Variants in PCDH15 observed in about 807,000 individuals in gnomAD.
The protein encoded by PCDH15 is protocadherin-15.
A neutral mutation model predicts 178.5 loss-of-function variants in PCDH15; 129 were observed. That is an observed-to-expected ratio of 0.72 (90% CI 0.63 to 0.84). PCDH15 has a LOEUF of 0.84. Ranked by LOEUF, PCDH15 falls within the 40% of genes least tolerant of loss-of-function variation. The pLI, the probability that PCDH15 is intolerant of heterozygous loss-of-function variation, is 0.00. For synonymous variants in PCDH15, 800 were observed against 732.0 expected (o/e 1.09, Z -1.50); for missense variants, 2,230 against 2,099.9 (o/e 1.06, Z -1.21).
intron 30 of PCDH15, among the ~76,000 whole-genome samples, chr10:53,830,762 T>A (rs902237588): frequency 6.6e-6 from 1 of 152,166 alleles, no homozygotes; most frequent in Non-Finnish European, 1.5e-5. Flanking sequence ...TGTCAAATAG[T>A]ACACTAAAAA....
intron 3 of PCDH15, among the ~76,000 whole-genome samples, chr10:54,464,776 G>A (rs994695257): frequency 6.6e-6 from 1 of 152,096 alleles, no homozygotes; most frequent in East Asian, 1.9e-4. Flanking sequence ...TATCTAGCTA[G>A]CTAGCTATTT....
chr10:53,810,429 T>A, intron 37 of PCDH15, 127 bp downstream of exon 37: 1 of 775,438 alleles, frequency 1.3e-6, no homozygotes, highest in Non-Finnish European at 2.2e-6. Flanking sequence ...GTGAAATTTC[T>A]ATGGGAAATA....
intron 15 of PCDH15, among the ~76,000 whole-genome samples, chr10:54,104,698 G>T (rs553401218): frequency 1.3e-5 from 2 of 151,810 alleles, no homozygotes; most frequent in Non-Finnish European, 2.9e-5. Flanking sequence ...TTAGCTGGGC[G>T]TGGTGGCGGG....
At chr10:53,915,849 G>A (rs2083484534) in intron 25 of PCDH15, among the ~76,000 whole-genome samples, 3 of 152,098 alleles carry the variant, frequency 2.0e-5, no homozygotes. Flanking sequence ...GAGCCACTGT[G>A]CCCGGCCCGT....
At chr10:55,117,622 TC>T (rs1564811813) in intron 2 of PCDH15, among the ~76,000 whole-genome samples, 1 of 152,086 alleles carries the variant, frequency 6.6e-6, no homozygotes, top group East Asian at 1.9e-4. Flanking sequence ...CTATTTAGAC[TC>T]AATATTCAGT....
At chr10:55,604,927 A>G (rs1180591769) in intron 2 of PCDH15, among the ~76,000 whole-genome samples, 1 of 151,510 alleles carries the variant, frequency 6.6e-6, no homozygotes, top group Non-Finnish European at 1.5e-5. Flanking sequence ...GAGACACAAA[A>G]AACCCTTCAA....
In PCDH15 at chr10:55,246,643, G is replaced by A. The variant is rs190345746; in HGVS notation, c.-156+72956C>T. ...ATAGCATTTCAAGGCAACAAGGTAC[G>A]CAAGCCACTGTATGTACTCAGACTT... is the stretch of plus-strand genomic sequence containing the variant. On this transcript the variant is annotated intron_variant, in intron 1 of 5. Transcript: ENST00000458638. 3.9e-3 allele frequency among the ~76,000 whole-genome samples: 594 copies of A among 152,158 alleles called. 1 individual carries two copies. The highest frequency in any genetic ancestry group is 0.013 in the African/African-American group (560 of 41,506).
intron 25 of PCDH15, among the ~76,000 whole-genome samples, chr10:53,914,602 C>T (rs1004806357): frequency 1.3e-5 from 2 of 151,986 alleles, no homozygotes; most frequent in Non-Finnish European, 2.9e-5. Context: ...CATCACACAC[C>T]AGGGCCTGTT....
rs141439895 is a variant in PCDH15, at chr10:55,339,432, G to A, written c.-155-172781C>T. Among the ~76,000 whole-genome samples, 22 of 152,182 alleles carry A rather than the reference G, an allele frequency of 1.4e-4. No individual in the cohort carries two copies. The East Asian group carries it at 4.1e-3, about 28-fold the overall frequency. ...TACATGGAACATGTATAAACAAGAT[G>A]TAAGGGTTCCATTGAAATAAAACAA... On this transcript the variant is annotated intron_variant, in intron 2 of 5. Transcript: ENST00000613346.
chr10:54,955,992 T>C (rs190148213), intron 2 of PCDH15, among the ~76,000 whole-genome samples: 117 of 151,554 alleles, frequency 7.7e-4, no homozygotes, highest in African/African-American at 2.7e-3. Flanking sequence ...AAATACTGAA[T>C]TTCACTTTGA....
At chr10:55,318,021 T>C (rs1843773372) in intron 1 of PCDH15, among the ~76,000 whole-genome samples, 1 of 152,120 alleles carries the variant, frequency 6.6e-6, no homozygotes, top group Non-Finnish European at 1.5e-5. Context: ...TAGTGAAAGA[T>C]CAGAAGCACT....
intron 2 of PCDH15, among the ~76,000 whole-genome samples, chr10:54,912,361 G>A (rs572177665): frequency 1.3e-5 from 2 of 151,984 alleles, no homozygotes; most frequent in South Asian, 4.2e-4. Context: ...CTGGGTCATG[G>A]AGCAGATTTG....
chr10:55,484,666 C>G (rs1187848319), intron 2 of PCDH15, among the ~76,000 whole-genome samples: 1 of 151,696 alleles, frequency 6.6e-6, no homozygotes, highest in Non-Finnish European at 1.5e-5. Context: ...ATAAACAAGA[C>G]AGCAAGTTAC....
intron 2 of PCDH15, among the ~76,000 whole-genome samples, chr10:55,470,748 A>G (rs1839938852): frequency 6.6e-6 from 1 of 152,108 alleles, no homozygotes; most frequent in Non-Finnish European, 1.5e-5. Context: ...AACAACATGC[A>G]TTCACAATCA....
chr10:54,876,962 T>C (rs569403059), intron 3 of PCDH15, among the ~76,000 whole-genome samples: 1 of 152,302 alleles, frequency 6.6e-6, no homozygotes, highest in Admixed American at 6.5e-5. Context: ...AAGAAATATT[T>C]TTTGAAAGGA....
At chr10:53,974,913 T>C (rs985202464) in intron 21 of PCDH15, among the ~76,000 whole-genome samples, 3 of 151,926 alleles carry the variant, frequency 2.0e-5, no homozygotes, top group Non-Finnish European at 2.9e-5. Context: ...ATGTAGTTTT[T>C]CAGCTCTTGC....
intron 1 of PCDH15, among the ~76,000 whole-genome samples, chr10:54,785,307 G>A (rs117039666): frequency 2.0e-3 from 311 of 151,880 alleles, no homozygotes; most frequent in South Asian, 3.9e-3. Context: ...CTACCTAGCT[G>A]CATACCTCAG....
intron 1 of PCDH15, among the ~76,000 whole-genome samples, chr10:55,244,224 G>A (rs1485079142): frequency 6.6e-6 from 1 of 151,870 alleles, no homozygotes; most frequent in Non-Finnish European, 1.5e-5. Context: ...GTCTTGCACT[G>A]CACTACAGTG....
intron 2 of PCDH15, among the ~76,000 whole-genome samples, chr10:55,499,299 G>T (rs1459321801): frequency 6.6e-6 from 1 of 151,512 alleles, no homozygotes; most frequent in Non-Finnish European, 1.5e-5. Flanking sequence ...ATCTTTCATA[G>T]GATTTGAGAA....
Sources: gnomAD v4.1 joint callset for allele counts (sites outside exome capture counted in the v4.1 genomes callset) on GRCh38, gnomAD v4.1.1 for gene constraint, MANE v1.5 for transcripts, NCBI Gene and HGNC (gene_info 2026-07-23, HGNC 2026-07-21) for gene names.